CHN2: variants seen among roughly 807,000 people sequenced by gnomAD.
CHN2 encodes the protein beta-chimaerin.
CHN2 carries 35 observed loss-of-function variants against 56.3 expected under a neutral mutation model. The observed-to-expected ratio is 0.62, with a 90% confidence interval of 0.47 to 0.82. The LOEUF is 0.82. Among genes scored for constraint, CHN2 ranks in the 40% least tolerant of loss-of-function variants. The pLI, the probability that CHN2 is intolerant of heterozygous loss-of-function variation, is 0.00. For missense variants in CHN2, 491 were observed against 580.5 expected (o/e 0.85, Z 1.58); for synonymous variants, 210 against 212.8 (o/e 0.99, Z 0.12).
intron 1 of CHN2, among the ~76,000 whole-genome samples, chr7:29,224,426 A>T (rs532391403): frequency 2.0e-4 from 30 of 152,276 alleles, no homozygotes; most frequent in African/African-American, 6.5e-4. Flanking sequence ...CAGTACAAAC[A>T]TTTTTTTCTA....
chr7:29,227,882 A>C (rs1562847281), intron 1 of CHN2, among the ~76,000 whole-genome samples: 1 of 152,096 alleles, frequency 6.6e-6, no homozygotes, highest in East Asian at 1.9e-4. Context: ...GTCCAAGTTC[A>C]AAAGAATTTC....
At chr7:29,158,312 T>C (rs1019378546) in intron 2 of CHN2, among the ~76,000 whole-genome samples, 3 of 152,228 alleles carry the variant, frequency 2.0e-5, no homozygotes, top group African/African-American at 7.2e-5. Context: ...TCCACCATCC[T>C]ATAATAGAGC....
At chr7:29,311,348 A>G (rs559357555) in intron 1 of CHN2, among the ~76,000 whole-genome samples, 1 of 152,300 alleles carries the variant, frequency 6.6e-6, no homozygotes, top group South Asian at 2.1e-4. Flanking sequence ...TGTCTCCAGA[A>G]CTGATCCTTC....
intron 1 of CHN2, among the ~76,000 whole-genome samples, chr7:29,310,677 A>G (rs79251319): frequency 0.017 from 2,601 of 152,328 alleles, 80 homozygotes; most frequent in African/African-American, 0.058. Flanking sequence ...TGTTTCTTAC[A>G]GGTTTGGTGT....
chr7:29,443,318 G>C (rs746773688), intron 6 of CHN2, among the ~76,000 whole-genome samples: 2 of 152,182 alleles, frequency 1.3e-5, no homozygotes, highest in Non-Finnish European at 2.9e-5. Context: ...TATAAGCTGA[G>C]AAGTACTGAA....
intron 2 of CHN2, among the ~76,000 whole-genome samples, chr7:29,183,645 A>G (rs1027233186): frequency 7.9e-5 from 12 of 151,668 alleles, no homozygotes; most frequent in African/African-American, 2.2e-4. Context: ...CCAAAGTACT[A>G]GGATTACAGG....
intron 12 of CHN2, chr7:29,509,619 C>T (rs376272327): frequency 8.3e-5 from 34 of 408,254 alleles, no homozygotes; most frequent in African/African-American, 3.3e-4. Flanking sequence ...CCGAGGTGGG[C>T]GGATCATGAG....
At position 29,351,442 on chromosome 7, in the gene CHN2, C is replaced by A. The variant is rs541742876; in HGVS notation, c.50-3183C>A. On this transcript the variant is annotated intron_variant, in intron 1 of 12. Coordinates refer to ENST00000222792, the MANE Select transcript of CHN2 (RefSeq NM_004067.4). ...TTGGCTAATAGAGGATGAGAGCAGT[C>A]ATAACAAACCAACAAATCAATAAAT... Among the ~76,000 whole-genome samples, 6 of 152,262 alleles carry A rather than the reference C, an allele frequency of 3.9e-5. No homozygotes were observed. The South Asian group carries it at 1.2e-3, about 32-fold the overall frequency.
intron 2 of CHN2, among the ~76,000 whole-genome samples, chr7:29,187,366 A>T (rs1484477247): frequency 6.7e-6 from 1 of 150,164 alleles, no homozygotes; most frequent in African/African-American, 2.4e-5. Flanking sequence ...TGTGTGTGTG[A>T]CAAAGAGAGA....
At position 29,513,020 on chromosome 7, in the gene CHN2, A is replaced by G; in HGVS notation, c.*285A>G. 3.6e-6 allele frequency: 1 copy of G among 274,150 alleles called. No individual in the cohort carries two copies. Among genetic ancestry groups the G allele is most frequent in the Non-Finnish European group, 6.8e-6 (1 of 146,864 alleles). The allele number at this position is 274,150 out of a possible 1,614,324, so 17.0% of individuals were successfully genotyped here. A position where few individuals can be genotyped will look rare whatever the true frequency, so the allele number is the denominator to read the frequency against. Reference sequence around the variant, plus strand: ...ATTAATACATCTTTAATTTATTAAAAAACAATGTAGACCTTTAAACTTCAG... The same window carrying G: ...ATTAATACATCTTTAATTTATTAAAGAACAATGTAGACCTTTAAACTTCAG... On this transcript the variant is annotated 3_prime_UTR_variant, in exon 13 of 13. Transcript: ENST00000222792.
At chr7:29,341,317 T>C (rs893922080) in intron 1 of CHN2, among the ~76,000 whole-genome samples, 1 of 152,176 alleles carries the variant, frequency 6.6e-6, no homozygotes, top group Non-Finnish European at 1.5e-5. Context: ...GTGGCAAGCA[T>C]GGGCCAGAGT....
chr7:29,154,753 A>G (rs1182906298), intron 2 of CHN2, among the ~76,000 whole-genome samples: 8 of 152,138 alleles, frequency 5.3e-5, no homozygotes, highest in African/African-American at 1.9e-4. Context: ...GAGAATCTCT[A>G]GAACCCGGAA....
At chr7:29,414,610 C>T (rs1478801950) in intron 6 of CHN2, among the ~76,000 whole-genome samples, 1 of 152,068 alleles carries the variant, frequency 6.6e-6, no homozygotes, top group Non-Finnish European at 1.5e-5. Flanking sequence ...GATTGACCAC[C>T]GCCTGACCCC....
At chr7:29,413,564 A>G (rs1186803606) in intron 6 of CHN2, among the ~76,000 whole-genome samples, 1 of 152,208 alleles carries the variant, frequency 6.6e-6, no homozygotes, top group African/African-American at 2.4e-5. Context: ...ATCTATCATA[A>G]ACTACATTAT....
Position 29,398,427 on chromosome 7 carries a change from G to C in CHN2, c.231G>C (p.Glu77Asp), listed in dbSNP as rs748255921. 3 of 1,613,730 alleles carry C rather than the reference G, an allele frequency of 1.9e-6. No homozygotes were observed. Among genetic ancestry groups the C allele is most frequent in the Non-Finnish European group, 2.5e-6 (3 of 1,180,022 alleles). Residue 77 changes from glutamate to aspartate, a missense_variant, in exon 5 of 13, where the codon GAG becomes GAC. Coordinates refer to ENST00000222792, the MANE Select transcript of CHN2 (RefSeq NM_004067.4). ...CGGATGAGCTTCTTGGAGGCGTGGA[G>C]GGTGCCTACATCCTTAGAGAAAGCC... ...EQADELLGGV[E>D]GAYILRESQR...
chr7:29,397,273 A>G, intron 4 of CHN2: 1 of 152,238 alleles, frequency 6.6e-6, no homozygotes, highest in Admixed American at 6.5e-5. Context: ...ACTTTTAAAA[A>G]TGTTATCCTT....
intron 1 of CHN2, among the ~76,000 whole-genome samples, chr7:29,309,020 A>C (rs1043352193): frequency 3.3e-5 from 5 of 152,326 alleles, no homozygotes; most frequent in Admixed American, 1.3e-4. Flanking sequence ...ATAGTTTATT[A>C]GTATGTGATG....
chr7:29,203,243 G>C (rs1784286052), intron 1 of CHN2, among the ~76,000 whole-genome samples: 1 of 152,084 alleles, frequency 6.6e-6, no homozygotes, highest in Non-Finnish European at 1.5e-5. Context: ...AAGGCGGGTG[G>C]ATCACCTGAG....
At chr7:29,404,079 G>A (rs916895891) in intron 6 of CHN2, among the ~76,000 whole-genome samples, 3 of 152,162 alleles carry the variant, frequency 2.0e-5, no homozygotes, top group Admixed American at 6.5e-5. Context: ...CTGATTCCAC[G>A]CTCAAAGCTT....
Sources: allele counts gnomAD v4.1 joint callset (sites outside exome capture counted in the v4.1 genomes callset), GRCh38; gene constraint gnomAD v4.1.1; transcripts MANE v1.5; gene names NCBI Gene and HGNC (gene_info 2026-07-23, HGNC 2026-07-21).